The following BAZ2B variants were observed in gnomAD, a reference collection of about 807,000 sequenced individuals.
BAZ2B encodes bromodomain adjacent to zinc finger domain 2B.
A neutral mutation model predicts 246.0 loss-of-function variants in BAZ2B; 91 were observed. That is an observed-to-expected ratio of 0.37 (90% CI 0.31 to 0.44). The LOEUF is 0.44. Ranked by LOEUF, BAZ2B falls within the 20% of genes least tolerant of loss-of-function variation. The pLI is 1.00. For missense variants in BAZ2B, 2,332 were observed against 2,533.7 expected, an observed-to-expected ratio of 0.92 and a Z score of 1.71; for synonymous variants, 855 against 860.0, an observed-to-expected ratio of 0.99 and a Z score of 0.10.
At chr2:159,641,269 GTGT>G in the BAZ2B span, among the ~76,000 whole-genome samples, 2 of 152,146 alleles carry the variant, frequency 1.3e-5, no homozygotes, top group Non-Finnish European at 2.9e-5. Flanking sequence ...AGTCTGACTG[GTGT>G]TAGTATCTCA....
At chr2:159,642,220 T>A in the BAZ2B span, among the ~76,000 whole-genome samples, 1 of 150,746 alleles carries the variant, frequency 6.6e-6, no homozygotes, top group Non-Finnish European at 1.5e-5. Flanking sequence ...TTCTATTTTC[T>A]TTTTCCTTTC....
chr2:159,356,172 A>C (rs1350691094), intron 27 of BAZ2B, among the ~76,000 whole-genome samples: 1 of 152,192 alleles, frequency 6.6e-6, no homozygotes, highest in Non-Finnish European at 1.5e-5. Flanking sequence ...GGCTGAAGCC[A>C]GGAAGCCAAC....
intron 27 of BAZ2B, among the ~76,000 whole-genome samples, chr2:159,366,554 T>G (rs1559127240): frequency 6.6e-6 from 1 of 152,236 alleles, no homozygotes; most frequent in Admixed American, 6.5e-5. Context: ...TTCATTACTT[T>G]GTACAAGGGC....
chr2:159,553,334 G>A (rs2088579946), intron 2 of BAZ2B, among the ~76,000 whole-genome samples: 1 of 141,188 alleles, frequency 7.1e-6, no homozygotes, highest in Admixed American at 7.4e-5. Flanking sequence ...GGCAGAGGCT[G>A]CAGTGAGCCA....
Position 159,349,906 on chromosome 2 carries a change from C to G in BAZ2B, c.4665G>C (p.Lys1555Asn), listed in dbSNP as rs1309791346. 2 of 1,614,042 alleles carry G rather than the reference C, an allele frequency of 1.2e-6. No homozygotes were observed. The highest frequency in any genetic ancestry group is 2.7e-5 in the African/African-American group (2 of 74,932). ...GCAAAAGACTAAACCATTGTCTATT[C>G]TTTTCAGTCAGCGTTTTTAGTAACT... Reference protein sequence around the residue: ...NDQLLKTLTEKNRQWFSLLPR... With the variant: ...NDQLLKTLTENNRQWFSLLPR... The change falls in exon 28 of 37, where the codon AAG becomes AAC. Residue 1555 changes from lysine (K) to asparagine (N), a missense_variant. By Grantham distance (94) the Lys-to-Asn change is moderately conservative. Coordinates refer to ENST00000392783, the MANE Select transcript of BAZ2B (RefSeq NM_013450.4).
chr2:159,679,733 T>C, the BAZ2B span, among the ~76,000 whole-genome samples: 1 of 152,190 alleles, frequency 6.6e-6, no homozygotes, highest in East Asian at 1.9e-4. Flanking sequence ...AAAAGTGAAA[T>C]AGGAAAATTA....
At chr2:159,341,760 T>C (rs892320781) in intron 31 of BAZ2B, among the ~76,000 whole-genome samples, 1 of 152,188 alleles carries the variant, frequency 6.6e-6, no homozygotes, top group Non-Finnish European at 1.5e-5. Context: ...AACAGGGTCC[T>C]GAACAACCAC....
At chr2:159,394,583 G>A (rs1425827911) in intron 20 of BAZ2B, among the ~76,000 whole-genome samples, 1 of 152,146 alleles carries the variant, frequency 6.6e-6, no homozygotes, top group Non-Finnish European at 1.5e-5. Context: ...TATGTTACAT[G>A]CTATGTTAAG....
intron 27 of BAZ2B, among the ~76,000 whole-genome samples, chr2:159,359,379 A>G (rs994495916): frequency 6.6e-6 from 1 of 152,200 alleles, no homozygotes; most frequent in African/African-American, 2.4e-5. Context: ...ATTCCGGGAC[A>G]CACACACCCT....
intron 31 of BAZ2B, among the ~76,000 whole-genome samples, chr2:159,343,800 G>T (rs2067193941): frequency 6.6e-6 from 1 of 151,976 alleles, no homozygotes; most frequent in Non-Finnish European, 1.5e-5. Context: ...GCTGAGGCGG[G>T]CAGATCACAA....
At chr2:159,315,890 G>A (rs1448457835), downstream of BAZ2B, among the ~76,000 whole-genome samples, 3 of 152,160 alleles carry the variant, frequency 2.0e-5, no homozygotes, top group East Asian at 5.8e-4. Context: ...TAAGTAAAAT[G>A]TTGTGTATGC....
chr2:159,382,789 G>A lies in BAZ2B; in HGVS notation c.3775C>T (p.His1259Tyr). 6.2e-7 allele frequency: 1 copy of A among 1,613,078 alleles called. No individual in the cohort carries two copies. Among genetic ancestry groups the A allele is most frequent in the Non-Finnish European group, 8.5e-7 (1 of 1,179,390 alleles). Residue 1259 changes from histidine to tyrosine, a missense_variant, in exon 25 of 37, where the codon CAT becomes TAT. By Grantham distance (83) the His-to-Tyr change is moderately conservative. Transcript: ENST00000392783. Reference sequence around the variant, plus strand: ...TCTCTTTTGCCTGTTTTCTTAGCATGAATGATTCTGAGCCTTTAAATATTA... The same window carrying A: ...TCTCTTTTGCCTGTTTTCTTAGCATAAATGATTCTGAGCCTTTAAATATTA... ...EGKLRKLRIIHAKKTGKRDTS... is the reference protein window; with the variant it reads ...EGKLRKLRIIYAKKTGKRDTS...
chr2:159,379,732 C>A, intron 25 of BAZ2B, among the ~76,000 whole-genome samples: 1 of 152,248 alleles, frequency 6.6e-6, no homozygotes, highest in East Asian at 1.9e-4. Flanking sequence ...CATCTCTCAG[C>A]TTTCTTTCAC....
At chr2:159,434,996 A>T (rs2071924604) in intron 8 of BAZ2B, 1 of 151,954 alleles carries the variant, frequency 6.6e-6, no homozygotes, top group African/African-American at 2.4e-5. Context: ...AATTATTAAA[A>T]TCCTTTGAGT....
chr2:159,597,249 T>C (rs1425541282), intron 1 of BAZ2B, among the ~76,000 whole-genome samples: 2 of 152,228 alleles, frequency 1.3e-5, no homozygotes, highest in Non-Finnish European at 2.9e-5. Flanking sequence ...ATTGTTTTTT[T>C]CTTGCAAATT....
chr2:159,631,648 G>A, the BAZ2B span, among the ~76,000 whole-genome samples: 1 of 152,146 alleles, frequency 6.6e-6, no homozygotes, highest in Non-Finnish European at 1.5e-5. Context: ...CAATTTGAAT[G>A]TTAACAATAA....
chr2:159,489,349 T>C (rs952159053), intron 2 of BAZ2B, among the ~76,000 whole-genome samples: 4 of 151,972 alleles, frequency 2.6e-5, no homozygotes, highest in Non-Finnish European at 5.9e-5. Flanking sequence ...GGTAGATCAA[T>C]AGAAATTATC....
At chr2:159,698,207 ACTCT>A in the BAZ2B span, among the ~76,000 whole-genome samples, 266 of 151,906 alleles carry the variant, frequency 1.8e-3, 1 homozygote, top group Non-Finnish European at 2.8e-3. Context: ...CCACGAATCT[ACTCT>A]CTCTACTTAG....
At chr2:159,471,184 G>A (rs780767446) in intron 3 of BAZ2B, among the ~76,000 whole-genome samples, 1 of 152,208 alleles carries the variant, frequency 6.6e-6, no homozygotes, top group African/African-American at 2.4e-5. Flanking sequence ...AGATGACACT[G>A]CTGTGAGTTG....
Sources: allele counts gnomAD v4.1 joint callset (sites outside exome capture counted in the v4.1 genomes callset), GRCh38; gene constraint gnomAD v4.1.1; transcripts MANE v1.5; gene names NCBI Gene and HGNC (gene_info 2026-07-23, HGNC 2026-07-21).